The following MOBP variants were observed in gnomAD, a reference collection of about 807,000 sequenced individuals.
MOBP encodes myelin associated oligodendrocyte basic protein.
MOBP carries 5 observed loss-of-function variants against 15.0 expected under a neutral mutation model. The observed-to-expected ratio is 0.33, with a 90% CI of 0.17 to 0.70. The LOEUF (loss-of-function observed/expected upper bound fraction) is 0.70. MOBP is among the 30% of genes least tolerant of loss of function. The probability of loss-of-function intolerance (pLI) is 0.67; values close to 1 mark genes in which losing one functional copy is unlikely to be tolerated. For missense variants in MOBP, 188 were observed against 257.8 expected, an observed-to-expected ratio of 0.73 and a Z score of 1.85; for synonymous variants, 88 against 99.0, an observed-to-expected ratio of 0.89 and a Z score of 0.66.
intron 2 of MOBP, among the ~76,000 whole-genome samples, chr3:39,484,706 C>T (rs990920346): frequency 6.6e-6 from 1 of 152,030 alleles, no homozygotes; most frequent in Admixed American, 6.6e-5. Context: ...TTTATCTGGC[C>T]CCACTACAAT....
chr3:39,498,477 A>G (rs890436171), intron 2 of MOBP, among the ~76,000 whole-genome samples: 2 of 152,024 alleles, frequency 1.3e-5, no homozygotes, highest in African/African-American at 4.8e-5. Flanking sequence ...CAGCTGCCCG[A>G]GTAGCTGGGA....
chr3:39,471,987 T>G (rs541625508), intron 1 of MOBP, among the ~76,000 whole-genome samples: 19 of 152,224 alleles, frequency 1.2e-4, no homozygotes, highest in Non-Finnish European at 2.2e-4. Context: ...TTTCTATAAC[T>G]ACTATAGAGA....
intron 1 of MOBP, among the ~76,000 whole-genome samples, chr3:39,469,439 TA>T (rs1422534326): frequency 3.5e-5 from 5 of 142,268 alleles, no homozygotes; most frequent in African/African-American, 1.4e-4. Context: ...TGGAATTAAT[TA>T]AAATTAGAAA....
intron 1 of MOBP, among the ~76,000 whole-genome samples, chr3:39,478,389 C>T (rs956009965): frequency 6.6e-6 from 1 of 152,196 alleles, no homozygotes. Flanking sequence ...AGGTGTGTAG[C>T]AGGCTAAAGC....
intron 1 of MOBP, among the ~76,000 whole-genome samples, chr3:39,469,153 TATG>T (rs747256966): frequency 2.2e-5 from 2 of 92,100 alleles, no homozygotes; most frequent in Non-Finnish European, 3.7e-5. Flanking sequence ...CATATATACA[TATG>T]TGTGTGTGTA....
At chr3:39,485,261 G>A (rs970790225) in intron 2 of MOBP, among the ~76,000 whole-genome samples, 4 of 152,222 alleles carry the variant, frequency 2.6e-5, no homozygotes, top group African/African-American at 9.7e-5. Flanking sequence ...GAGACAGCAT[G>A]TAGTAGTTAC....
chr3:39,482,923 C>T (rs1331807921), intron 2 of MOBP, among the ~76,000 whole-genome samples: 1 of 152,118 alleles, frequency 6.6e-6, no homozygotes, highest in African/African-American at 2.4e-5. Flanking sequence ...CGGCCTACTC[C>T]TTTCTCTGCT....
At chr3:39,485,210 A>G (rs1327890689) in intron 2 of MOBP, among the ~76,000 whole-genome samples, 2 of 152,214 alleles carry the variant, frequency 1.3e-5, no homozygotes, top group Non-Finnish European at 2.9e-5. Flanking sequence ...TGTCACGGAG[A>G]CAAATGGATA....
At chr3:39,508,072 C>A (rs1340224) in intron 4 of MOBP, among the ~76,000 whole-genome samples, 46,876 of 152,082 alleles carry the variant, frequency 0.31, 9,476 homozygotes, top group African/African-American at 0.58. Flanking sequence ...GAGAACAGCA[C>A]ACAGCAGGAC....
chr3:39,470,985 G>A (rs1334554631), intron 1 of MOBP, among the ~76,000 whole-genome samples: 5 of 152,182 alleles, frequency 3.3e-5, no homozygotes, highest in Non-Finnish European at 5.9e-5. Context: ...AGGGACAAGT[G>A]AAGGCACCCA....
At chr3:39,497,166 T>G (rs553434199) in intron 2 of MOBP, among the ~76,000 whole-genome samples, 1 of 152,320 alleles carries the variant, frequency 6.6e-6, no homozygotes, top group East Asian at 1.9e-4. Context: ...TTTAATCCAC[T>G]AATTCACTGG....
intron 2 of MOBP, among the ~76,000 whole-genome samples, chr3:39,482,103 G>C (rs1304314408): frequency 6.6e-6 from 1 of 151,994 alleles, no homozygotes; most frequent in African/African-American, 2.4e-5. Flanking sequence ...GTGAACTCAT[G>C]CTTCTGTTTT....
chr3:39,517,953 T>G (rs780161821), downstream of MOBP, among the ~76,000 whole-genome samples: 45 of 152,214 alleles, frequency 3.0e-4, no homozygotes, highest in Admixed American at 5.2e-4. Flanking sequence ...AAAATAGGTT[T>G]GAGGAGAGGG....
chr3:39,472,684 G>C (rs891811148), intron 1 of MOBP, among the ~76,000 whole-genome samples: 2 of 152,218 alleles, frequency 1.3e-5, no homozygotes, highest in African/African-American at 4.8e-5. Context: ...CTAGCACTTT[G>C]GGAGGCTGAG....
intron 3 of MOBP, among the ~76,000 whole-genome samples, chr3:39,522,053 G>A (rs1356035578): frequency 6.6e-6 from 1 of 152,202 alleles, no homozygotes; most frequent in Non-Finnish European, 1.5e-5. Flanking sequence ...GACCACAGCA[G>A]CTATTGCTTC....
exon 5 of MOBP, chr3:39,513,585 C>A: frequency 2.8e-6 from 2 of 713,082 alleles, no homozygotes; most frequent in East Asian, 2.7e-5. Flanking sequence ...GGCATGGGGG[C>A]CTCAGGGCAG....
chr3:39,493,671 AG>A (rs1461338353), intron 2 of MOBP, among the ~76,000 whole-genome samples: 1 of 152,226 alleles, frequency 6.6e-6, no homozygotes, highest in Non-Finnish European at 1.5e-5. Flanking sequence ...TGAAACAGTA[AG>A]GGTAGCACTA....
intron 2 of MOBP, among the ~76,000 whole-genome samples, chr3:39,480,964 C>T (rs1419167122): frequency 6.6e-6 from 1 of 152,196 alleles, no homozygotes; most frequent in East Asian, 1.9e-4. Context: ...TCACTAGGTG[C>T]TTCTAGTTGA....
chr3:39,514,007 C>T (rs1415440461), exon 5 of MOBP: 2 of 152,620 alleles, frequency 1.3e-5, no homozygotes, highest in Non-Finnish European at 2.9e-5. Flanking sequence ...TATTAGGCTT[C>T]CATATGATCC....
Sources: allele counts gnomAD v4.1 joint callset (sites outside exome capture counted in the v4.1 genomes callset), GRCh38; gene constraint gnomAD v4.1.1; transcripts MANE v1.5; gene names NCBI Gene and HGNC (gene_info 2026-07-23, HGNC 2026-07-21).